AMBRA1: variants seen among roughly 807,000 people sequenced by gnomAD.
AMBRA1 encodes the protein activating molecule in BECN1-regulated autophagy protein 1.
Under a neutral mutation model 125.4 loss-of-function variants are expected in AMBRA1, and 47 were observed. The observed-to-expected ratio is 0.37, with a 90% CI of 0.30 to 0.48. The LOEUF (loss-of-function observed/expected upper bound fraction) is 0.48, where lower values mean the gene tolerates loss of function less well. Ranked by LOEUF, AMBRA1 falls within the 20% of genes least tolerant of loss-of-function variation. The pLI is 0.99. For synonymous variants in AMBRA1, 626 were observed against 655.5 expected (o/e 0.95, Z 0.69); for missense variants, 1,331 against 1,693.4 (o/e 0.79, Z 3.76).
In AMBRA1 at chr11:46,493,698, G is replaced by A. The variant is rs1474904001; in HGVS notation, c.2431C>T (p.Leu811=). 6.3e-7 allele frequency: 1 copy of A among 1,590,088 alleles called. No homozygotes were observed. The highest frequency in any genetic ancestry group is 8.5e-7 in the Non-Finnish European group (1 of 1,173,754). The change falls in exon 11 of 18, where the codon CTG becomes TTG. Residue 811 remains leucine (L), a synonymous_variant. Transcript: ENST00000683756. ...CCAGCATAAGGCAAGTACTCAGGCA[G>A]CAAGAAACGCCTACAAGAAGGAATC... ...LGRFVPRRFL[L]PEYLPYAGIF...
chr11:46,467,225 AT>A (rs1303684377), intron 11 of AMBRA1, among the ~76,000 whole-genome samples: 1 of 151,742 alleles, frequency 6.6e-6, no homozygotes, highest in Non-Finnish European at 1.5e-5. Context: ...CCTATAACTG[AT>A]TTTTCAATTT....
At chr11:46,418,384 A>T (rs887633533) in intron 14 of AMBRA1, among the ~76,000 whole-genome samples, 1 of 143,942 alleles carries the variant, frequency 6.9e-6, no homozygotes, top group Non-Finnish European at 1.5e-5. Context: ...ATAAATATAT[A>T]TATTTATTAT....
rs906808738 is a variant in AMBRA1, at chr11:46,587,822, A to G, written c.-121+6006T>C. Among the ~76,000 whole-genome samples the G allele has an allele frequency of 3.3e-5, 5 of 152,234 alleles. 1 individual carries two copies. In the South Asian group the frequency reaches 1.0e-3, roughly 31 times the overall value. On this transcript the variant is annotated intron_variant, in intron 1 of 17. Coordinates refer to ENST00000683756, the MANE Select transcript of AMBRA1 (RefSeq NM_001387011.1). ...TATCCCAACATCTAATGAGTCTTCA[A>G]TAAATATTTGCTAGATGAACAAACA...
intron 7 of AMBRA1, among the ~76,000 whole-genome samples, chr11:46,525,796 C>G (rs1951942938): frequency 6.6e-6 from 1 of 152,056 alleles, no homozygotes; most frequent in African/African-American, 2.4e-5. Context: ...CCTATAATCC[C>G]AGCTACTTGT....
intron 8 of AMBRA1, 79 bp downstream of exon 8, chr11:46,512,648 G>A: frequency 8.7e-7 from 1 of 1,148,176 alleles, no homozygotes; most frequent in Non-Finnish European, 1.3e-6. Context: ...GAGAGGCACA[G>A]AACGGAGCTT....
chr11:46,469,895 C>T lies in AMBRA1; in HGVS notation c.2521+23713G>A, dbSNP rs182406879. On this transcript the variant is annotated intron_variant, in intron 11 of 17. Transcript: ENST00000683756. ...GTCTCACTATGTTGCCCAGACTGGT[C>T]TCGAACTCCTGGCCTCGGGCAATCC... is the stretch of plus-strand genomic sequence containing the variant. Among the ~76,000 whole-genome samples, 363 of 143,036 alleles carry T rather than the reference C, an allele frequency of 2.5e-3. 2 individuals carry two copies. Among genetic ancestry groups the T allele is most frequent in the South Asian group, 0.015 (69 of 4,550 alleles). 93.8% of individuals were successfully genotyped at this position (143,036 alleles called of 152,430 possible). A position where few individuals can be genotyped will look rare whatever the true frequency, so the allele number is the denominator to read the frequency against.
At chr11:46,458,333 A>C (rs921417956) in intron 11 of AMBRA1, among the ~76,000 whole-genome samples, 3 of 151,862 alleles carry the variant, frequency 2.0e-5, no homozygotes, top group Non-Finnish European at 2.9e-5. Flanking sequence ...CCTGTTTAAA[A>C]CCCCACCTCC....
intron 11 of AMBRA1, among the ~76,000 whole-genome samples, chr11:46,478,085 A>C (rs1182570951): frequency 6.6e-6 from 1 of 152,128 alleles, no homozygotes; most frequent in Non-Finnish European, 1.5e-5. Flanking sequence ...CCTGAGGCCC[A>C]ATCTATGCAA....
At chr11:46,499,954 CAG>C (rs758076191) in intron 9 of AMBRA1, among the ~76,000 whole-genome samples, 1 of 152,108 alleles carries the variant, frequency 6.6e-6, no homozygotes, top group Non-Finnish European at 1.5e-5. Context: ...CCCCGGCTGA[CAG>C]GGGAAATTTT....
intron 11 of AMBRA1, among the ~76,000 whole-genome samples, chr11:46,476,926 G>C (rs539339866): frequency 5.8e-4 from 88 of 152,196 alleles, no homozygotes; most frequent in African/African-American, 2.1e-3. Context: ...GGTCAAGATG[G>C]TAAAACCTTG....
chr11:46,422,310 A>G (rs766597425), intron 14 of AMBRA1, among the ~76,000 whole-genome samples: 12 of 152,326 alleles, frequency 7.9e-5, no homozygotes, highest in Admixed American at 2.0e-4. Context: ...ATGAAGGGAA[A>G]TAGAATCAAT....
chr11:46,525,578 C>T (rs1294679697), intron 7 of AMBRA1, among the ~76,000 whole-genome samples: 1 of 152,082 alleles, frequency 6.6e-6, no homozygotes, highest in Non-Finnish European at 1.5e-5. Flanking sequence ...CGGTGAAACC[C>T]TGTCCCTATT....
Position 46,408,710 on chromosome 11 carries a change from G to C in AMBRA1, c.3210-4C>G. 1.3e-6 allele frequency: 2 copies of C among 1,521,906 alleles called. No homozygotes were observed. Among genetic ancestry groups the C allele is most frequent in the Non-Finnish European group, 1.8e-6 (2 of 1,129,340 alleles). The allele number at this position is 1,521,906 out of a possible 1,614,324, so 94.3% of individuals were successfully genotyped here. A position where few individuals can be genotyped will look rare whatever the true frequency, so the allele number is the denominator to read the frequency against. ...CCTCCATGTGGCTCTGCTGGTTCTA[G>C]GGAGAGAAAGGCAGACTAAAGTCAG... On this transcript the variant is annotated splice_polypyrimidine_tract_variant and splice_region_variant and intron_variant, in intron 16 of 17. Transcript: ENST00000683756.
chr11:46,542,836 G>C lies in AMBRA1; in HGVS notation c.1181C>G (p.Ser394Cys), dbSNP rs1267692419. The change falls in exon 7 of 18, where the codon TCT (serine) becomes TGT (cysteine). Residue 394 changes from serine to cysteine, a missense_variant. Physicochemically the swap from Ser to Cys is moderately radical, Grantham distance 112. Coordinates refer to ENST00000683756, the MANE Select transcript of AMBRA1 (RefSeq NM_001387011.1). The surrounding 1 kb of genome is among the most constrained non-coding windows in gnomAD (Gnocchi z 5.9). ...GTGGCTAGACAGAGGCCCTCCCAAA[G>C]AGCGGCGGGTAGGACCCAGACTGAG... is the stretch of plus-strand genomic sequence containing the variant. ...RNLSLGPTRR[S>C]LGGPLSSHPS... is the part of the protein sequence containing the mutation. 6.2e-7 allele frequency: 1 copy of C among 1,613,936 alleles called. No homozygotes were observed. Among genetic ancestry groups the C allele is most frequent in the African/African-American group, 1.3e-5 (1 of 74,910 alleles).
At chr11:46,403,780 G>A (rs911683641) in intron 17 of AMBRA1, among the ~76,000 whole-genome samples, 1 of 152,144 alleles carries the variant, frequency 6.6e-6, no homozygotes, top group African/African-American at 2.4e-5. Context: ...CATTTTTATA[G>A]AACAAGAAAA....
In AMBRA1 at chr11:46,542,608, C is replaced by A; in HGVS notation, c.1409G>T (p.Arg470Met). The change falls in exon 7 of 18, where the codon AGG becomes ATG. Residue 470 changes from arginine (R) to methionine (M), a missense_variant. By Grantham distance (91) the Arg-to-Met change is moderately conservative. This residue lies in a region of AMBRA1 where 689 missense variants were observed against 776.5 expected (regional missense o/e 0.89). Coordinates refer to ENST00000683756, the MANE Select transcript of AMBRA1 (RefSeq NM_001387011.1). This position sits in a 1 kb window ranked among gnomAD's most constrained non-coding sequence, Gnocchi z 5.9. ...ASVYTSATEGRGFPASGLATE... is the reference protein window; with the variant it reads ...ASVYTSATEGMGFPASGLATE... ...TGCCAACCCTGATGCCGGAAAACCC[C>A]TCCCTTCTGTGGCTGAAGTGTACAC... The A allele has an allele frequency of 6.2e-7, 1 of 1,614,078 alleles. No homozygotes were observed. The highest frequency in any genetic ancestry group is 1.1e-5 in the South Asian group (1 of 91,080).
intron 1 of AMBRA1, among the ~76,000 whole-genome samples, chr11:46,554,342 A>G (rs2043104001): frequency 6.6e-6 from 1 of 152,228 alleles, no homozygotes; most frequent in African/African-American, 2.4e-5. Flanking sequence ...TACAGGTCAC[A>G]AGTACTGTAT....
intron 1 of AMBRA1, among the ~76,000 whole-genome samples, chr11:46,568,772 C>CAAA (rs199607275): frequency 4.3e-5 from 4 of 92,418 alleles, no homozygotes; most frequent in African/African-American, 1.6e-4. Flanking sequence ...AACTCCATCT[C>CAAA]AAAAAAAAAA....
chr11:46,574,590 CG>C (rs945714877), intron 1 of AMBRA1, among the ~76,000 whole-genome samples: 3 of 151,822 alleles, frequency 2.0e-5, no homozygotes, highest in African/African-American at 7.3e-5. Flanking sequence ...GAGTAGGTTG[CG>C]AAAGTTTGCA....
Sources: allele counts gnomAD v4.1 joint callset (sites outside exome capture counted in the v4.1 genomes callset), GRCh38; gene constraint gnomAD v4.1.1; regional missense constraint gnomAD v4.1.1; non-coding constraint Gnocchi (gnomAD v3.1); transcripts MANE v1.5; gene names NCBI Gene and HGNC (gene_info 2026-07-23, HGNC 2026-07-21).